The following ENOX2 variants were observed in gnomAD, a reference collection of about 807,000 sequenced individuals.
ENOX2 encodes the protein APK1 antigen.
Under a neutral mutation model 45.0 loss-of-function variants are expected in ENOX2, and 36 were observed. The ratio of observed to expected loss-of-function variants is 0.80; its 90% CI spans 0.61 to 1.06. The LOEUF (loss-of-function observed/expected upper bound fraction) is 1.06, where lower values mean the gene tolerates loss of function less well. Among genes scored for constraint, ENOX2 ranks in the 50% least tolerant of loss-of-function variants. The probability of loss-of-function intolerance (pLI) is 0.00; values close to 1 mark genes in which losing one functional copy is unlikely to be tolerated. For synonymous variants in ENOX2, 174 were observed against 152.3 expected, an observed-to-expected ratio of 1.14 and a Z score of -1.05; for missense variants, 423 against 462.5, an observed-to-expected ratio of 0.91 and a Z score of 0.78.
chrX:130,709,309 T>C, intron 3 of ENOX2: 13 of 1,181,406 alleles, frequency 1.1e-5, no homozygotes, highest in Non-Finnish European at 1.5e-5. Flanking sequence ...TCCTCAACTG[T>C]GAACTTAGCT....
intron 2 of ENOX2, among the ~76,000 whole-genome samples, chrX:130,813,704 G>T (rs889521428): frequency 9.0e-6 from 1 of 111,607 alleles, no homozygotes; most frequent in Admixed American, 9.4e-5. Context: ...GCCATAAAAC[G>T]GTGAATTCCG....
intron 3 of ENOX2, among the ~76,000 whole-genome samples, chrX:130,716,536 G>T (rs908793203): frequency 3.6e-5 from 4 of 111,979 alleles, no homozygotes; most frequent in African/African-American, 1.3e-4. Flanking sequence ...GGAAAGCAAG[G>T]GGGTAGGCAG....
chrX:130,735,044 G>A (rs992063008), intron 3 of ENOX2, among the ~76,000 whole-genome samples: 9 of 112,376 alleles, frequency 8.0e-5, no homozygotes, highest in Non-Finnish European at 1.7e-4. Context: ...GGAACTGGCT[G>A]TCTCACAGGA....
At position 130,656,563 on chromosome X, in the gene ENOX2, A is replaced by G. The variant is rs1401556712; in HGVS notation, c.1129+18T>C. The G allele has an allele frequency of 3.1e-6, 3 of 962,806 alleles. No individual in the cohort carries two copies. The highest frequency in any genetic ancestry group is 4.4e-6 in the Non-Finnish European group (3 of 674,387). The allele number at this position is 962,806 out of a possible 1,213,427, so 79.3% of individuals were successfully genotyped here. A position where few individuals can be genotyped will look rare whatever the true frequency, so the allele number is the denominator to read the frequency against. Reference sequence around the variant, plus strand: ...CAAGTACATGTTTATTAAATAAAGAAAACAGAATTATCTTTACCTGATTCC... The same window carrying G: ...CAAGTACATGTTTATTAAATAAAGAGAACAGAATTATCTTTACCTGATTCC... On this transcript the variant is annotated intron_variant, in intron 10 of 14. Transcript: ENST00000394363.
At chrX:130,752,398 C>T (rs952991753) in intron 3 of ENOX2, among the ~76,000 whole-genome samples, 5 of 106,565 alleles carry the variant, frequency 4.7e-5, no homozygotes, top group Admixed American at 2.0e-4. Flanking sequence ...GTTTATCACC[C>T]TATCTCTCTC....
At position 130,667,692 on chromosome X, in the gene ENOX2, G is replaced by A. The variant is rs751141125; in HGVS notation, c.745C>T (p.Arg249Ter). ...AVQTLLTWIE[R>*]GEVNRRSANN... ...GCGCTACGACGGTTGACCTCTCCTC[G>A]CTCTATCCAGGTAAGCAAGGTCTGT... Residue 249 changes from arginine to a stop codon, truncating the protein, a stop_gained, in exon 8 of 15, where the codon CGA (arginine) becomes TGA (stop). Coordinates refer to ENST00000394363, the MANE Select transcript of ENOX2 (RefSeq NM_006375.4). LOFTEE classifies it high-confidence loss of function. The A allele has an allele frequency of 3.3e-6, 4 of 1,210,193 alleles. No homozygotes were observed. Among genetic ancestry groups the A allele is most frequent in the South Asian group, 1.8e-5 (1 of 56,934 alleles).
chrX:130,788,654 A>G (rs2077000921), intron 2 of ENOX2, among the ~76,000 whole-genome samples: 1 of 112,357 alleles, frequency 8.9e-6, no homozygotes, highest in African/African-American at 3.2e-5. Context: ...ATGACAGAGT[A>G]ACAGATAACT....
chrX:130,671,399 AAG>A (rs2036987965), intron 6 of ENOX2, among the ~76,000 whole-genome samples: 2 of 111,821 alleles, frequency 1.8e-5, no homozygotes, highest in East Asian at 5.6e-4. Flanking sequence ...GTTTCCTAAT[AAG>A]AGAGTTTTTG....
intron 3 of ENOX2, among the ~76,000 whole-genome samples, chrX:130,770,312 C>T (rs1254705755): frequency 1.8e-5 from 2 of 111,642 alleles, no homozygotes; most frequent in African/African-American, 6.5e-5. Context: ...ATTTGACATA[C>T]GCACTTGTAC....
chrX:130,632,727 G>C (rs1304646677), intron 12 of ENOX2, among the ~76,000 whole-genome samples: 1 of 111,757 alleles, frequency 8.9e-6, no homozygotes, highest in Non-Finnish European at 1.9e-5. Flanking sequence ...GAAATGAATG[G>C]TCTATGCTGC....
chrX:130,627,859 G>T, intron 14 of ENOX2, 99 bp downstream of exon 14: 1 of 569,674 alleles, frequency 1.8e-6, no homozygotes, highest in Non-Finnish European at 3.1e-6. Flanking sequence ...CTTCCTGAAA[G>T]CAGTAACTAA....
rs773866567 is a variant in ENOX2, at chrX:130,724,615, A to G, written c.-38-21361T>C. Among the ~76,000 whole-genome samples the G allele has an allele frequency of 1.4e-4, 16 of 112,679 alleles. No homozygotes were observed. In the South Asian group the frequency reaches 4.8e-3, roughly 34 times the overall value. On this transcript the variant is annotated intron_variant, in intron 3 of 14. Coordinates refer to ENST00000394363, the MANE Select transcript of ENOX2 (RefSeq NM_006375.4). ...TGGGGTATTTCCTTGGAACTTGCAA[A>G]TAAAGACTTGTGGTGGGTTCTGCCT...
chrX:130,751,864 T>C (rs1311644366), intron 3 of ENOX2, among the ~76,000 whole-genome samples: 1 of 112,444 alleles, frequency 8.9e-6, no homozygotes, highest in Non-Finnish European at 1.9e-5. Flanking sequence ...TATATCTTCT[T>C]TGGAGAAATG....
intron 2 of ENOX2, among the ~76,000 whole-genome samples, chrX:130,848,101 C>T (rs1388615238): frequency 9.0e-6 from 1 of 111,554 alleles, no homozygotes; most frequent in South Asian, 3.8e-4. Flanking sequence ...GGCGCGATCT[C>T]GGCTCACTGC....
intron 3 of ENOX2, among the ~76,000 whole-genome samples, chrX:130,709,589 G>T (rs2038127706): frequency 3.5e-5 from 3 of 86,748 alleles, no homozygotes; most frequent in Non-Finnish European, 6.5e-5. Context: ...AGTGAGCCGA[G>T]ATCACACCAC....
intron 6 of ENOX2, among the ~76,000 whole-genome samples, chrX:130,676,880 C>A (rs148209700): frequency 9.0e-6 from 1 of 111,518 alleles, no homozygotes; most frequent in Non-Finnish European, 1.9e-5. Flanking sequence ...ATTAATCTTG[C>A]GGAAATAATT....
At chrX:130,874,325 A>G (rs2078653915) in intron 2 of ENOX2, among the ~76,000 whole-genome samples, 1 of 112,345 alleles carries the variant, frequency 8.9e-6, no homozygotes, top group African/African-American at 3.2e-5. Context: ...GGAATTAGAA[A>G]GGTTCTGCGG....
At chrX:130,830,512 T>A (rs1048894318) in intron 2 of ENOX2, among the ~76,000 whole-genome samples, 1 of 111,571 alleles carries the variant, frequency 9.0e-6, no homozygotes, top group Non-Finnish European at 1.9e-5. Context: ...CCTGTCTATG[T>A]CTCTATCTAT....
At chrX:130,721,142 A>G (rs2038464392) in intron 3 of ENOX2, among the ~76,000 whole-genome samples, 1 of 110,743 alleles carries the variant, frequency 9.0e-6, no homozygotes, top group African/African-American at 3.3e-5. Flanking sequence ...ACCAAACTCC[A>G]CCGACAGGGC....
Sources: gnomAD v4.1 joint callset for allele counts (sites outside exome capture counted in the v4.1 genomes callset) on GRCh38, gnomAD v4.1.1 for gene constraint, MANE v1.5 for transcripts, NCBI Gene and HGNC (gene_info 2026-07-23, HGNC 2026-07-21) for gene names.